Variants in EPB41L4B observed in about 807,000 individuals in gnomAD.
EPB41L4B encodes erythrocyte membrane protein band 4.1 like 4B.
Under a neutral mutation model 112.5 loss-of-function variants are expected in EPB41L4B, and 30 were observed. That is an observed-to-expected ratio of 0.27 (90% CI 0.20 to 0.36). EPB41L4B has a LOEUF of 0.36. Ranked by LOEUF, EPB41L4B falls within the 10% of genes least tolerant of loss-of-function variation. EPB41L4B has a pLI of 1.00. For missense variants in EPB41L4B, 1,024 were observed against 1,133.3 expected, an observed-to-expected ratio of 0.90 and a Z score of 1.38; for synonymous variants, 408 against 439.7, an observed-to-expected ratio of 0.93 and a Z score of 0.90.
intron 16 of EPB41L4B, among the ~76,000 whole-genome samples, chr9:109,216,601 A>G (rs1833376260): frequency 6.7e-6 from 1 of 149,432 alleles, no homozygotes; most frequent in African/African-American, 2.5e-5. Context: ...AGATCATGCC[A>G]CTGCACTCCA....
At chr9:109,264,508 T>G (rs1835331401) in intron 5 of EPB41L4B, among the ~76,000 whole-genome samples, 1 of 152,226 alleles carries the variant, frequency 6.6e-6, no homozygotes, top group South Asian at 2.1e-4. Flanking sequence ...AGAGGCCTAG[T>G]ATTTCAAAGC....
chr9:109,281,678 C>A (rs923971305), intron 1 of EPB41L4B, among the ~76,000 whole-genome samples: 1 of 146,820 alleles, frequency 6.8e-6, no homozygotes. Context: ...AGCGAGACTC[C>A]GTCTCATAAA....
chr9:109,319,891 C>A (rs936427693), intron 1 of EPB41L4B, among the ~76,000 whole-genome samples: 2 of 152,032 alleles, frequency 1.3e-5, no homozygotes, highest in Admixed American at 1.3e-4. Flanking sequence ...ACTAGGTGGG[C>A]GCCAGAGAAA....
Position 109,192,343 on chromosome 9 carries a change from G to C in EPB41L4B, c.2236C>G (p.Arg746Gly), listed in dbSNP as rs755694840. Residue 746 changes from arginine (R) to glycine (G), a missense_variant, in exon 22 of 26, where the codon CGA becomes GGA. By Grantham distance (125) the Arg-to-Gly change is moderately radical. Coordinates refer to ENST00000374566, the MANE Select transcript of EPB41L4B (RefSeq NM_019114.5). ...LSPGAKSPSD[R>G]GGAFTLEPGD... is the part of the protein sequence containing the mutation. ...GGCTCCAGGGTAAAGGCACCTCCTC[G>C]GTCAGAGGGGCTCTAGGGAGACAGA... is the stretch of plus-strand genomic sequence containing the variant. 3 of 1,611,284 alleles carry C rather than the reference G, an allele frequency of 1.9e-6. No individual in the cohort carries two copies. Among genetic ancestry groups the C allele is most frequent in the Admixed American group, 3.4e-5 (2 of 59,518 alleles).
At chr9:109,287,091 A>T (rs940040768) in intron 1 of EPB41L4B, among the ~76,000 whole-genome samples, 1 of 152,216 alleles carries the variant, frequency 6.6e-6, no homozygotes, top group Admixed American at 6.5e-5. Flanking sequence ...AGCTCATTAA[A>T]ATCATGTGTA....
intron 15 of EPB41L4B, among the ~76,000 whole-genome samples, chr9:109,230,960 A>G (rs576041890): frequency 1.3e-5 from 2 of 152,280 alleles, no homozygotes; most frequent in Non-Finnish European, 2.9e-5. Context: ...GTTCGAGACC[A>G]GCCTGGCCAA....
chr9:109,220,981 CAGG>C (rs538571543), intron 15 of EPB41L4B, among the ~76,000 whole-genome samples: 133 of 152,290 alleles, frequency 8.7e-4, no homozygotes, highest in African/African-American at 3.1e-3. Context: ...CCCTACTTTG[CAGG>C]AGAAGCTTGG....
intron 22 of EPB41L4B, among the ~76,000 whole-genome samples, chr9:109,188,008 T>A (rs1832331617): frequency 6.6e-6 from 1 of 152,200 alleles, no homozygotes; most frequent in Non-Finnish European, 1.5e-5. Context: ...GAATACCACT[T>A]AATTTTTTTC....
At chr9:109,263,206 G>T in intron 5 of EPB41L4B, 104 bp from the exon 6 acceptor site, 2 of 763,254 alleles carry the variant, frequency 2.6e-6, no homozygotes, top group South Asian at 1.7e-5. Context: ...TTTAGATAAT[G>T]ACTTGTATTC....
At chr9:109,258,936 A>G (rs1011840585) in intron 6 of EPB41L4B, among the ~76,000 whole-genome samples, 12 of 152,154 alleles carry the variant, frequency 7.9e-5, no homozygotes, top group African/African-American at 2.9e-4. Context: ...TTGTGCTGCA[A>G]TTTGTGCTGC....
chr9:109,183,468 G>GA (rs1199608058), intron 23 of EPB41L4B, among the ~76,000 whole-genome samples: 1 of 152,122 alleles, frequency 6.6e-6, no homozygotes. Context: ...GAGCTAGTCT[G>GA]AAAAAGGCCA....
chr9:109,286,580 C>G (rs944222550), intron 1 of EPB41L4B, among the ~76,000 whole-genome samples: 2 of 152,146 alleles, frequency 1.3e-5, no homozygotes, highest in African/African-American at 4.8e-5. Flanking sequence ...CCAGGTCTCC[C>G]TCTCTGTGAC....
At chr9:109,291,876 C>T (rs943079928) in intron 1 of EPB41L4B, among the ~76,000 whole-genome samples, 6 of 152,254 alleles carry the variant, frequency 3.9e-5, no homozygotes, top group African/African-American at 4.8e-5. Context: ...CTTCGACTCA[C>T]GGAGGGATCA....
At chr9:109,184,243 G>A (rs553033944) in intron 23 of EPB41L4B, among the ~76,000 whole-genome samples, 18 of 152,196 alleles carry the variant, frequency 1.2e-4, no homozygotes, top group Non-Finnish European at 2.2e-4. Flanking sequence ...TTTTTGAGAC[G>A]GAGTCTCACT....
Position 109,321,024 on chromosome 9 carries a change from G to A in EPB41L4B, c.-578C>T, listed in dbSNP as rs1241855639. 6 of 188,618 alleles carry A rather than the reference G, an allele frequency of 3.2e-5. No homozygotes were observed. The highest frequency in any genetic ancestry group is 5.9e-5 in the Admixed American group (1 of 17,034). The allele number at this position is 188,618 out of a possible 1,614,324, so 11.7% of individuals were successfully genotyped here. ...TGCACCTCCAGCCGCCGCCGCCGCC[G>A]CCGCCGCCGCTGCCGCCGGGACTGC... On this transcript the variant is annotated 5_prime_UTR_variant, in exon 1 of 26. Coordinates refer to ENST00000374566, the MANE Select transcript of EPB41L4B (RefSeq NM_019114.5).
chr9:109,194,153 C>T (rs2118699438), intron 21 of EPB41L4B, 67 bp downstream of exon 21: 1 of 1,518,216 alleles, frequency 6.6e-7, no homozygotes, highest in Non-Finnish European at 9.0e-7. Context: ...CCAGATGCTA[C>T]TCAGTAAATT....
intron 14 of EPB41L4B, among the ~76,000 whole-genome samples, chr9:109,244,648 T>C (rs536463020): frequency 6.6e-6 from 1 of 152,000 alleles, no homozygotes; most frequent in East Asian, 1.9e-4. Flanking sequence ...ACACAGACCC[T>C]GTACTCACAA....
chr9:109,283,326 C>T (rs1420991150), intron 1 of EPB41L4B, among the ~76,000 whole-genome samples: 2 of 152,204 alleles, frequency 1.3e-5, no homozygotes, highest in African/African-American at 4.8e-5. Flanking sequence ...ATTTGTGTGA[C>T]ACACATAGCA....
chr9:109,303,725 C>T (rs374424371), intron 1 of EPB41L4B, among the ~76,000 whole-genome samples: 1 of 151,768 alleles, frequency 6.6e-6, no homozygotes, highest in African/African-American at 2.4e-5. Context: ...AGGCTGGTCT[C>T]GAACTCCTGG....
Sources: allele counts gnomAD v4.1 joint callset (sites outside exome capture counted in the v4.1 genomes callset), GRCh38; gene constraint gnomAD v4.1.1; transcripts MANE v1.5; gene names NCBI Gene and HGNC (gene_info 2026-07-23, HGNC 2026-07-21).